Variants in DDX3X observed in about 807,000 individuals in gnomAD.
DDX3X encodes the protein DEAD-box helicase 3 X-linked.
A neutral mutation model predicts 52.7 loss-of-function variants in DDX3X; 4 were observed. The observed-to-expected ratio is 0.08, with a 90% confidence interval of 0.04 to 0.17. The LOEUF (loss-of-function observed/expected upper bound fraction) is 0.17, where lower values mean the gene tolerates loss of function less well. DDX3X is among the 10% of genes least tolerant of loss of function. The pLI is 1.00. For missense variants in DDX3X, 222 were observed against 548.6 expected (o/e 0.40, Z 5.95); for synonymous variants, 192 against 178.1 (o/e 1.08, Z -0.62).
intron 3 of DDX3X, chrX:41,340,438 T>G (rs193260325): frequency 6.9e-4 from 91 of 131,839 alleles, no homozygotes; most frequent in South Asian, 3.1e-3. Context: ...AGAAGGAAAG[T>G]AACTGAATTG....
chrX:41,333,335 C>G (rs1043323928), upstream of DDX3X: 96 of 110,029 alleles, frequency 8.7e-4, no homozygotes, highest in African/African-American at 2.9e-3. Flanking sequence ...GCGCGCGCCG[C>G]CGGCTCCCCT....
intron 2 of DDX3X, chrX:41,338,765 A>G (rs1419619721): frequency 1.7e-5 from 2 of 120,429 alleles, no homozygotes; most frequent in African/African-American, 6.4e-5. Flanking sequence ...TTAAATGACC[A>G]CTGGTGGCTA....
chrX:41,353,694 C>A (rs1406074706), downstream of DDX3X, among the ~76,000 whole-genome samples: 1 of 107,308 alleles, frequency 9.3e-6, no homozygotes, highest in Non-Finnish European at 1.9e-5. Flanking sequence ...TCACTTGAAC[C>A]TGGGAGGTGG....
At chrX:41,353,634 G>T (rs1352666424), downstream of DDX3X, among the ~76,000 whole-genome samples, 4 of 107,975 alleles carry the variant, frequency 3.7e-5, no homozygotes, top group Admixed American at 4.0e-4. Flanking sequence ...AGCTGGGCGT[G>T]GTGGCAAGCG....
At chrX:41,341,412 G>A (rs775001479) in intron 3 of DDX3X, 72 bp from the exon 4 acceptor site, 1 of 926,405 alleles carries the variant, frequency 1.1e-6, no homozygotes, top group East Asian at 3.4e-5. Flanking sequence ...AATTCAGAAA[G>A]ATTGATAATA....
At position 41,339,040 on chromosome X, in the gene DDX3X, G is replaced by A. The variant is rs749101617; in HGVS notation, c.108G>A (p.Gly36=). Residue 36 remains glycine (G), a synonymous_variant, in exon 3 of 17, where the codon GGG becomes GGA. Coordinates refer to ENST00000644876, the MANE Select transcript of DDX3X (RefSeq NM_001356.5). ...TATATATATATATTTTTTTAGAAGG[G>A]CGCTATATTCCTCCTCATTTAAGGA... is the stretch of plus-strand genomic sequence containing the variant. The part of the protein sequence containing the change: ...NQSGGSTASK[G]RYIPPHLRNR... 9.8e-7 allele frequency: 1 copy of A among 1,025,416 alleles called. No homozygotes were observed. Among genetic ancestry groups the A allele is most frequent in the Non-Finnish European group, 1.3e-6 (1 of 778,141 alleles). 84.5% of individuals were successfully genotyped at this position (1,025,416 alleles called of 1,213,427 possible). A position where few individuals can be genotyped will look rare whatever the true frequency, so the allele number is the denominator to read the frequency against.
At chrX:41,337,543 A>G (rs1313596654) in intron 2 of DDX3X, 78 bp downstream of exon 2, 1 of 904,944 alleles carries the variant, frequency 1.1e-6, no homozygotes, top group Middle Eastern at 3.6e-4. Context: ...TGTAAAATTT[A>G]AGAAATTTGC....
At chrX:41,359,322 C>T (rs1356676373) in intron 5 of DDX3X, among the ~76,000 whole-genome samples, 1 of 111,897 alleles carries the variant, frequency 8.9e-6, no homozygotes, top group Non-Finnish European at 1.9e-5. Context: ...AAAGTTGCCT[C>T]CAGGCCGGGC....
intron 5 of DDX3X, among the ~76,000 whole-genome samples, chrX:41,363,653 C>T (rs999654701): frequency 1.8e-5 from 2 of 109,628 alleles, no homozygotes; most frequent in African/African-American, 6.7e-5. Flanking sequence ...CATGGTGGCG[C>T]ATGCCTGTAA....
At chrX:41,363,712 G>C (rs774789410) in intron 5 of DDX3X, among the ~76,000 whole-genome samples, 3 of 111,184 alleles carry the variant, frequency 2.7e-5, no homozygotes, top group African/African-American at 9.8e-5. Context: ...GAACCCGGGA[G>C]GCAAAGGTTG....
chrX:41,351,023 A>AT (rs1452379355), downstream of DDX3X: 11 of 112,081 alleles, frequency 9.8e-5, no homozygotes, highest in Non-Finnish European at 2.1e-4. Flanking sequence ...TTAGGGCAGA[A>AT]TTTTGACACA....
At chrX:41,352,804 T>TC (rs767056504), downstream of DDX3X, among the ~76,000 whole-genome samples, 1 of 111,185 alleles carries the variant, frequency 9.0e-6, no homozygotes, top group East Asian at 2.8e-4. Flanking sequence ...TTCCTAAAGC[T>TC]CCCCAGGCAA....
At chrX:41,360,556 C>A (rs1308678908) in intron 5 of DDX3X, among the ~76,000 whole-genome samples, 1 of 107,409 alleles carries the variant, frequency 9.3e-6, no homozygotes. Context: ...GATTCTCCTG[C>A]TGCAGCCTCC....
downstream of DDX3X, among the ~76,000 whole-genome samples, chrX:41,355,198 G>A (rs2064003763): frequency 9.0e-6 from 1 of 111,592 alleles, no homozygotes. Flanking sequence ...TATTTGTCTT[G>A]TTTCCGGTTT....
chrX:41,334,627 G>A (rs924323471), intron 1 of DDX3X: 82 of 1,083,680 alleles, frequency 7.6e-5, no homozygotes, highest in East Asian at 5.6e-4. Context: ...GACCTGGGGG[G>A]GTTTGCGGGA....
intron 1 of DDX3X, chrX:41,335,720 C>A (rs2063757023): frequency 8.9e-6 from 1 of 112,178 alleles, no homozygotes; most frequent in South Asian, 3.7e-4. Flanking sequence ...AGGAATTGAT[C>A]TGTTCCTTTG....
chrX:41,343,388 T>C (rs374232164), intron 7 of DDX3X, 37 bp downstream of exon 7: 4 of 1,149,112 alleles, frequency 3.5e-6, no homozygotes, highest in Non-Finnish European at 4.6e-6. Flanking sequence ...ATCATATTTC[T>C]TCTGTAAAGG....
exon 6 of DDX3X, chrX:41,364,409 G>A: frequency 3.4e-6 from 1 of 296,670 alleles, no homozygotes; most frequent in Non-Finnish European, 5.9e-6. Flanking sequence ...TGCCCAGCCT[G>A]AGCTGTTTTC....
chrX:41,342,868 A>G (rs2063869383), intron 6 of DDX3X, 32 bp downstream of exon 6: 2 of 1,091,044 alleles, frequency 1.8e-6, no homozygotes, highest in East Asian at 6.0e-5. Flanking sequence ...TTTAAGACAC[A>G]GAGAGGTTAA....
Sources: allele counts gnomAD v4.1 joint callset (sites outside exome capture counted in the v4.1 genomes callset), GRCh38; gene constraint gnomAD v4.1.1; transcripts MANE v1.5; gene names NCBI Gene and HGNC (gene_info 2026-07-23, HGNC 2026-07-21).